COL27A1: variants seen among roughly 807,000 people sequenced by gnomAD.
COL27A1 encodes the protein collagen type XXVII alpha 1 chain.
Under a neutral mutation model 251.3 loss-of-function variants are expected in COL27A1, and 106 were observed. The observed-to-expected ratio is 0.42, with a 90% CI of 0.36 to 0.50. The LOEUF (loss-of-function observed/expected upper bound fraction) is 0.50. Ranked by LOEUF, COL27A1 falls within the 20% of genes least tolerant of loss-of-function variation. The pLI, the probability that COL27A1 is intolerant of heterozygous loss-of-function variation, is 0.00. For missense variants in COL27A1, 2,325 were observed against 2,522.8 expected (o/e 0.92, Z 1.68); for synonymous variants, 1,000 against 986.3 (o/e 1.01, Z -0.26).
At chr9:114,181,604 C>G (rs1827923776) in intron 4 of COL27A1, among the ~76,000 whole-genome samples, 1 of 152,174 alleles carries the variant, frequency 6.6e-6, no homozygotes, top group Non-Finnish European at 1.5e-5. Context: ...ACCTCCTATG[C>G]CCCAGATTAT....
At chr9:114,206,887 AG>A (rs1256222277) in intron 10 of COL27A1, among the ~76,000 whole-genome samples, 1 of 152,164 alleles carries the variant, frequency 6.6e-6, no homozygotes, top group African/African-American at 2.4e-5. Context: ...ACAGCTCAGG[AG>A]GGGGCCACCA....
At chr9:114,239,333 A>C (rs1371058998) in intron 19 of COL27A1, among the ~76,000 whole-genome samples, 1 of 152,248 alleles carries the variant, frequency 6.6e-6, no homozygotes, top group Non-Finnish European at 1.5e-5. Flanking sequence ...TTTTGGATGC[A>C]GATTTTTACT....
intron 44 of COL27A1, 59 bp downstream of exon 44, chr9:114,289,026 G>A (rs1827716541): frequency 6.3e-6 from 10 of 1,594,168 alleles, no homozygotes; most frequent in African/African-American, 1.3e-5. Context: ...GGAGCAGTGG[G>A]AATTAAAGAA....
Position 114,155,903 on chromosome 9 carries a change from C to A in COL27A1, c.-48C>A. On this transcript the variant is annotated 5_prime_UTR_variant, in exon 1 of 61. Transcript: ENST00000356083. This position sits in a 1 kb window ranked among gnomAD's most constrained non-coding sequence, Gnocchi z 5.5. ...GGGGGGCTGGCGGCCCCATGGGGCG[C>A]GCCCACACTTGCCCCCCGGGCTCGG... 8.4e-7 allele frequency: 1 copy of A among 1,186,794 alleles called. No individual in the cohort carries two copies. Among genetic ancestry groups the A allele is most frequent in the Non-Finnish European group, 1.0e-6 (1 of 956,484 alleles). The allele number at this position is 1,186,794 out of a possible 1,614,324, so 73.5% of individuals were successfully genotyped here.
intron 1 of COL27A1, among the ~76,000 whole-genome samples, chr9:114,161,609 T>G (rs926820833): frequency 6.6e-6 from 1 of 152,188 alleles, no homozygotes; most frequent in Non-Finnish European, 1.5e-5. Flanking sequence ...GCTTTCCTCT[T>G]GGAAATACAT....
At position 114,168,698 on chromosome 9, in the gene COL27A1, C is replaced by T. The variant is rs2135080576; in HGVS notation, c.1143C>T (p.Pro381=). Residue 381 remains proline, a synonymous_variant, in exon 3 of 61, where the codon CCC becomes CCT. Coordinates refer to ENST00000356083, the MANE Select transcript of COL27A1 (RefSeq NM_032888.4). ...KPSAPSTSIV[P]IKSPHPTQKT... ...CGGCCCCTTCTACTTCAATTGTGCCCATCAAAAGCCCCCATCCTACCCAGA... is the reference window on the plus strand; with the variant it reads ...CGGCCCCTTCTACTTCAATTGTGCCTATCAAAAGCCCCCATCCTACCCAGA... 1.2e-6 allele frequency: 2 copies of T among 1,614,118 alleles called. No individual in the cohort carries two copies. The highest frequency in any genetic ancestry group is 1.7e-6 in the Non-Finnish European group (2 of 1,180,022).
At chr9:114,284,684 A>G in intron 40 of COL27A1, 40 bp from the exon 41 acceptor site, 1 of 1,607,852 alleles carries the variant, frequency 6.2e-7, no homozygotes, top group Non-Finnish European at 8.5e-7. Context: ...GTCCTTCCTG[A>G]GTCCTCATTC....
rs1380125508 is a variant in COL27A1, at chr9:114,302,078, G to T, written c.4846-4G>T. On this transcript the variant is annotated splice_polypyrimidine_tract_variant and splice_region_variant and intron_variant, in intron 55 of 60. Coordinates refer to ENST00000356083, the MANE Select transcript of COL27A1 (RefSeq NM_032888.4). ...TTTGACTGACCCGCAGTCTTCTTTTGCAGGGTCCTCCAGGGGGTCCTATCC... is the reference window on the plus strand; with the variant it reads ...TTTGACTGACCCGCAGTCTTCTTTTTCAGGGTCCTCCAGGGGGTCCTATCC... 6.2e-7 allele frequency: 1 copy of T among 1,612,140 alleles called. No individual in the cohort carries two copies. Among genetic ancestry groups the T allele is most frequent in the South Asian group, 1.1e-5 (1 of 90,988 alleles).
intron 24 of COL27A1, among the ~76,000 whole-genome samples, chr9:114,247,713 C>T (rs1023057737): frequency 2.6e-5 from 4 of 152,294 alleles, no homozygotes; most frequent in African/African-American, 9.6e-5. Flanking sequence ...TGCTATAAGG[C>T]ACATGGAGGT....
chr9:114,310,908 G>T lies in COL27A1; in HGVS notation c.*213G>T. ...CAATGGATCCCAGCTTAGCCCCAAA[G>T]ACCAACCAAAGAGCCAGCCAGAGTA... On this transcript the variant is annotated 3_prime_UTR_variant, in exon 61 of 61. Transcript: ENST00000356083. 1.0e-5 allele frequency: 5 copies of T among 492,326 alleles called. No homozygotes were observed. The South Asian group carries it at 1.5e-4, about 14-fold the overall frequency. The allele number at this position is 492,326 out of a possible 1,614,324, so 30.5% of individuals were successfully genotyped here. A position where few individuals can be genotyped will look rare whatever the true frequency, so the allele number is the denominator to read the frequency against.
At chr9:114,253,422 GA>G (rs1220611960) in intron 27 of COL27A1, among the ~76,000 whole-genome samples, 4 of 100,654 alleles carry the variant, frequency 4.0e-5, no homozygotes, top group East Asian at 3.5e-4. Context: ...AAGAAGAGGA[GA>G]AAAAAGAGGA....
At position 114,290,007 on chromosome 9, in the gene COL27A1, G is replaced by A; in HGVS notation, c.4207-51G>A. 6.3e-7 allele frequency: 1 copy of A among 1,597,052 alleles called. No individual in the cohort carries two copies. Among genetic ancestry groups the A allele is most frequent in the Non-Finnish European group, 8.6e-7 (1 of 1,167,038 alleles). On this transcript the variant is annotated intron_variant, in intron 45 of 60. Transcript: ENST00000356083. This position sits in a 1 kb window ranked among gnomAD's most constrained non-coding sequence, Gnocchi z 4.6. ...AGTCCCTCCTTCCAGAGCCCCTAGG[G>A]TCCCACACCTCTACCAGGCAGCCTC... is the stretch of plus-strand genomic sequence containing the variant.
chr9:114,226,125 T>C (rs1270660694), intron 14 of COL27A1, among the ~76,000 whole-genome samples: 1 of 152,198 alleles, frequency 6.6e-6, no homozygotes, highest in African/African-American at 2.4e-5. Context: ...ATTTCTGTCC[T>C]TTTTATTCAG....
At chr9:114,202,133 C>T (rs1348180482) in intron 7 of COL27A1, among the ~76,000 whole-genome samples, 1 of 152,236 alleles carries the variant, frequency 6.6e-6, no homozygotes, top group Non-Finnish European at 1.5e-5. Flanking sequence ...GATGATCATT[C>T]ACTTCCATTT....
intron 10 of COL27A1, 74 bp downstream of exon 10, chr9:114,206,370 T>A: frequency 6.7e-7 from 1 of 1,483,538 alleles, no homozygotes; most frequent in Non-Finnish European, 9.4e-7. Flanking sequence ...GTGGGCTTGA[T>A]GGGAGGTCAG....
intron 5 of COL27A1, among the ~76,000 whole-genome samples, chr9:114,193,023 A>G (rs951060742): frequency 9.9e-5 from 15 of 151,178 alleles, no homozygotes; most frequent in African/African-American, 3.7e-4. Context: ...GTGCACGTGT[A>G]TGTGTGTGCG....
chr9:114,296,473 A>G (rs1257351253), intron 49 of COL27A1, among the ~76,000 whole-genome samples: 1 of 152,268 alleles, frequency 6.6e-6, no homozygotes. Context: ...ATTAGTCATT[A>G]GACAAATGCT....
intron 2 of COL27A1, among the ~76,000 whole-genome samples, chr9:114,163,059 C>A (rs1848605943): frequency 6.6e-6 from 1 of 151,998 alleles, no homozygotes; most frequent in Non-Finnish European, 1.5e-5. Flanking sequence ...CATGGTGAAA[C>A]CCCATCTCTA....
Position 114,155,801 on chromosome 9 carries a change from C to A in COL27A1, c.-150C>A. On this transcript the variant is annotated 5_prime_UTR_variant, in exon 1 of 61. Coordinates refer to ENST00000356083, the MANE Select transcript of COL27A1 (RefSeq NM_032888.4). The surrounding 1 kb of genome is among the most constrained non-coding windows in gnomAD (Gnocchi z 5.5). ...GGGCCCCAGCCGCGCTGCCTGCCTG[C>A]TCGGGCGCCCCTGGGCGCGGGGCTG... 1.9e-6 allele frequency: 1 copy of A among 530,298 alleles called. No homozygotes were observed. The highest frequency in any genetic ancestry group is 2.4e-6 in the Non-Finnish European group (1 of 415,718). 32.8% of individuals were successfully genotyped at this position (530,298 alleles called of 1,614,324 possible).
Sources: gnomAD v4.1 joint callset for allele counts (sites outside exome capture counted in the v4.1 genomes callset) on GRCh38, gnomAD v4.1.1 for gene constraint, Gnocchi (gnomAD v3.1) non-coding constraint, MANE v1.5 for transcripts, NCBI Gene and HGNC (gene_info 2026-07-23, HGNC 2026-07-21) for gene names.